The following THNSL1 variants were observed in gnomAD, a reference collection of about 807,000 sequenced individuals.
THNSL1 encodes the protein threonine synthase like 1, also known as threonine synthase-like 1.
In THNSL1, 48 loss-of-function variants were observed where a neutral mutation model predicts 50.4. The observed-to-expected ratio is 0.95, with a 90% CI of 0.76 to 1.21. THNSL1 has a LOEUF of 1.21. Among genes scored for constraint, THNSL1 ranks in the 50% most tolerant of loss-of-function variants. The pLI is 0.00. For missense variants in THNSL1, 896 were observed against 871.7 expected (o/e 1.03, Z -0.35); for synonymous variants, 309 against 306.1 (o/e 1.01, Z -0.10).
the THNSL1 span, among the ~76,000 whole-genome samples, chr10:25,007,971 T>A: frequency 2.0e-5 from 3 of 148,594 alleles, no homozygotes; most frequent in African/African-American, 7.3e-5. Flanking sequence ...GCCTGTGATA[T>A]ATTATATATA....
At chr10:25,005,595 A>G in the THNSL1 span, among the ~76,000 whole-genome samples, 2 of 152,234 alleles carry the variant, frequency 1.3e-5, no homozygotes, top group African/African-American at 4.8e-5. Context: ...CTGTGTTAGA[A>G]AGCTATCCAA....
upstream of THNSL1, among the ~76,000 whole-genome samples, chr10:25,013,455 A>T (rs1304160841): frequency 6.6e-6 from 1 of 152,256 alleles, no homozygotes; most frequent in Non-Finnish European, 1.5e-5. Flanking sequence ...AGGGTATTTT[A>T]GTGTGAGCCA....
At chr10:25,016,408 G>C (rs1011008583), upstream of THNSL1, among the ~76,000 whole-genome samples, 3 of 152,244 alleles carry the variant, frequency 2.0e-5, no homozygotes, top group Admixed American at 6.5e-5. Context: ...CGCAGCTGGT[G>C]CGCAGGCGTC....
At chr10:25,003,185 T>A in the THNSL1 span, among the ~76,000 whole-genome samples, 7,555 of 149,542 alleles carry the variant, frequency 0.051, 240 homozygotes, top group Non-Finnish European at 0.076. Context: ...TTAATTAATT[T>A]ATTTATTTAT....
the THNSL1 span, among the ~76,000 whole-genome samples, chr10:24,977,898 G>A: frequency 6.6e-6 from 1 of 152,110 alleles, no homozygotes; most frequent in South Asian, 2.1e-4. Flanking sequence ...TTCCACAGAT[G>A]TTTTTCACAT....
rs1850832353 is a variant in THNSL1 at position 25,025,491 on chromosome 10, G to A, written c.*36G>A. The stretch of plus-strand genomic sequence containing the variant: ...AGTAAATTTTTTTTTCTAGCTATAA[G>A]CATGCAATAATAAATCTCAAACACT... On this transcript the variant is annotated 3_prime_UTR_variant, in exon 3 of 3. Coordinates refer to ENST00000376356, the MANE Select transcript of THNSL1 (RefSeq NM_024838.5). 1 of 1,551,522 alleles carries A rather than the reference G, an allele frequency of 6.4e-7. No individual in the cohort carries two copies. Among genetic ancestry groups the A allele is most frequent in the South Asian group, 1.2e-5 (1 of 80,456 alleles).
At chr10:25,019,471 CTG>C (rs1481818969) in intron 1 of THNSL1, among the ~76,000 whole-genome samples, 1 of 152,128 alleles carries the variant, frequency 6.6e-6, no homozygotes, top group Non-Finnish European at 1.5e-5. Context: ...GGGAGCCTGT[CTG>C]AAAAACAAAC....
chr10:24,977,414 C>T, the THNSL1 span, among the ~76,000 whole-genome samples: 1 of 152,122 alleles, frequency 6.6e-6, no homozygotes, highest in Non-Finnish European at 1.5e-5. Context: ...TATACATTAC[C>T]TAATCACACA....
chr10:24,995,789 C>T, the THNSL1 span: 3 of 1,613,856 alleles, frequency 1.9e-6, no homozygotes, highest in African/African-American at 4.0e-5. Context: ...AAATTTTTTC[C>T]ACTCTGTATT....
At chr10:25,001,289 C>CT in the THNSL1 span, among the ~76,000 whole-genome samples, 7 of 151,180 alleles carry the variant, frequency 4.6e-5, no homozygotes, top group South Asian at 2.1e-4. Flanking sequence ...TATAATTTTT[C>CT]TTTTTTTTCC....
chr10:24,999,417 T>C, the THNSL1 span: 1 of 1,608,784 alleles, frequency 6.2e-7, no homozygotes. Context: ...GTAGAGTTTT[T>C]TCCTTTGAAT....
the THNSL1 span, among the ~76,000 whole-genome samples, chr10:25,003,857 T>G: frequency 6.6e-6 from 1 of 152,146 alleles, no homozygotes; most frequent in African/African-American, 2.4e-5. Flanking sequence ...CCCCAGGGTG[T>G]GTTGTTCCCC....
the THNSL1 span, chr10:24,995,755 A>G: frequency 6.2e-7 from 1 of 1,614,012 alleles, no homozygotes. Context: ...TCCCATGATG[A>G]TATCAGCTGC....
In THNSL1 at chr10:25,023,467, T is replaced by A; in HGVS notation, c.244T>A (p.Cys82Ser). The A allele has an allele frequency of 6.2e-7, 1 of 1,614,136 alleles. No individual in the cohort carries two copies. ...AATAATAGGTCAGAAACTAGGTTGT[T>A]GTGTCATAGATGTGGATGATGATAT... ...GRIIGQKLGC[C>S]VIDVDDDILE... Residue 82 changes from cysteine (C) to serine (S), a missense_variant, in exon 3 of 3, where the codon TGT becomes AGT. Coordinates refer to ENST00000376356, the MANE Select transcript of THNSL1 (RefSeq NM_024838.5).
the THNSL1 span, chr10:24,995,571 C>T: frequency 7.8e-7 from 1 of 1,277,424 alleles, no homozygotes; most frequent in Non-Finnish European, 1.1e-6. Flanking sequence ...ATAATGATAA[C>T]ATAGATGATC....
At position 25,023,238 on chromosome 10, in the gene THNSL1, C is replaced by G; in HGVS notation, c.15C>G (p.Asn5Lys). The G allele has an allele frequency of 6.2e-7, 1 of 1,611,474 alleles. No homozygotes were observed. Among genetic ancestry groups the G allele is most frequent in the Non-Finnish European group, 8.5e-7 (1 of 1,178,324 alleles). The change falls in exon 3 of 3, where the codon AAC (asparagine) becomes AAG (lysine). Residue 5 changes from asparagine (N) to lysine (K), a missense_variant. Coordinates refer to ENST00000376356, the MANE Select transcript of THNSL1 (RefSeq NM_024838.5). ...GTGAAAAGAGAATGCTCCACTTTAA[C>G]CGATGTCATCATCTGAAAAAGATAA... The part of the protein sequence containing the change: MLHF[N>K]RCHHLKKITQ...
the THNSL1 span, among the ~76,000 whole-genome samples, chr10:24,964,909 A>G: frequency 2.0e-5 from 3 of 152,104 alleles, no homozygotes; most frequent in African/African-American, 7.2e-5. Context: ...CTAAAAATCA[A>G]TATCTTAGCT....
the THNSL1 span, among the ~76,000 whole-genome samples, chr10:24,972,906 T>C: frequency 6.6e-6 from 1 of 152,214 alleles, no homozygotes; most frequent in Non-Finnish European, 1.5e-5. Flanking sequence ...AGTGAATGCC[T>C]GAAACTGCAG....
chr10:25,020,886 G>A (rs1850706078), intron 1 of THNSL1, among the ~76,000 whole-genome samples: 1 of 152,178 alleles, frequency 6.6e-6, no homozygotes, highest in African/African-American at 2.4e-5. Context: ...CTGAATAGGA[G>A]GTTAATCAGA....
Sources: allele counts gnomAD v4.1 joint callset (sites outside exome capture counted in the v4.1 genomes callset), GRCh38; gene constraint gnomAD v4.1.1; transcripts MANE v1.5; gene names NCBI Gene and HGNC (gene_info 2026-07-23, HGNC 2026-07-21).